Variants in TJP2 observed in about 807,000 individuals in gnomAD.
TJP2 encodes the protein Friedreich ataxia region gene X104 (tight junction protein ZO-2).
TJP2 carries 91 observed loss-of-function variants against 133.1 expected under a neutral mutation model. The ratio of observed to expected loss-of-function variants is 0.68; its 90% CI spans 0.58 to 0.81. The LOEUF (loss-of-function observed/expected upper bound fraction) is 0.81. Ranked by LOEUF, TJP2 falls within the 40% of genes least tolerant of loss-of-function variation. The probability of loss-of-function intolerance (pLI) is 0.00; values close to 1 mark genes in which losing one functional copy is unlikely to be tolerated. For synonymous variants in TJP2, 592 were observed against 583.4 expected (o/e 1.01, Z -0.21); for missense variants, 1,541 against 1,565.6 (o/e 0.98, Z 0.26).
Position 69,251,274 on chromosome 9 carries a change from A to T in TJP2, c.3231A>T (p.Ser1077=). 1 of 1,614,232 alleles carries T rather than the reference A, an allele frequency of 6.2e-7. No homozygotes were observed. Among genetic ancestry groups the T allele is most frequent in the African/African-American group, 1.3e-5 (1 of 75,062 alleles). ...SSEEQDNAPK[S]VLGKVKIFEK... ...AGGAGCAAGATAATGCTCCCAAATC[A>T]GTCCTGGGCAAAGTCAAAATATTTG... The change falls in exon 21 of 23, where the codon TCA becomes TCT. Residue 1077 remains serine (S), a synonymous_variant. Coordinates refer to ENST00000377245, the MANE Select transcript of TJP2 (RefSeq NM_004817.4).
At position 69,215,370 on chromosome 9, in the gene TJP2, C is replaced by T. The variant is rs77333006; in HGVS notation, c.115-969C>T. ...AGCACTGGGAAGAGCAGTCTTTTCC[C>T]GCCCAGCTAGAAAGTTGTGGTTTTT... On this transcript the variant is annotated intron_variant, in intron 2 of 22. Coordinates refer to ENST00000377245, the MANE Select transcript of TJP2 (RefSeq NM_004817.4). 8.0e-3 allele frequency among the ~76,000 whole-genome samples: 1,200 copies of T among 149,798 alleles called. 25 individuals are homozygous for T. Among genetic ancestry groups the T allele is most frequent in the African/African-American group, 0.028 (1,137 of 41,058 alleles).
chr9:69,203,674 C>T lies in TJP2; in HGVS notation c.61-8874C>T, dbSNP rs538387048. Among the ~76,000 whole-genome samples, 4 of 130,648 alleles carry T rather than the reference C, an allele frequency of 3.1e-5. No individual in the cohort carries two copies. In the South Asian group the frequency reaches 9.9e-4, roughly 32 times the overall value. The allele number at this position is 130,648 out of a possible 152,430, so 85.7% of individuals were successfully genotyped here. A position where few individuals can be genotyped will look rare whatever the true frequency, so the allele number is the denominator to read the frequency against. ...TATGGCCCAGGCTGGAATGCAGTGG[C>T]CCGATCTCAGGTCACTGCAACCTCC... On this transcript the variant is annotated intron_variant, in intron 1 of 22. Transcript: ENST00000377245.
At chr9:69,145,279 T>G (rs1013425056) in intron 1 of TJP2, among the ~76,000 whole-genome samples, 1 of 152,190 alleles carries the variant, frequency 6.6e-6, no homozygotes, top group African/African-American at 2.4e-5. Context: ...CAAATCTGTT[T>G]CTGATTTTAG....
chr9:69,228,180 CAA>C (rs773535315), intron 9 of TJP2, 66 bp downstream of exon 9: 13 of 1,550,122 alleles, frequency 8.4e-6, no homozygotes, highest in Admixed American at 5.9e-5. Context: ...ACAGCCATAA[CAA>C]AGAGTGAAAT....
chr9:69,190,692 G>A (rs919803748), intron 1 of TJP2, among the ~76,000 whole-genome samples: 6 of 152,206 alleles, frequency 3.9e-5, no homozygotes, highest in East Asian at 1.9e-4. Context: ...ACCAGCACCC[G>A]TGTGAGCCCC....
At chr9:69,225,934 G>A (rs1280482461) in intron 6 of TJP2, 88 bp from the exon 7 acceptor site, 2 of 1,411,862 alleles carry the variant, frequency 1.4e-6, no homozygotes, top group Non-Finnish European at 2.0e-6. Context: ...TCTGAGCAAA[G>A]CCTTTACATT....
Position 69,137,243 on chromosome 9 carries a change from C to CTT in TJP2, c.-130-14407_-130-14406insTT, listed in dbSNP as rs199595606. On this transcript the variant is annotated intron_variant, in intron 1 of 5. Transcript: ENST00000423935. ...TTTCTTTCCTTCTTTCTTTCTTTCTCTCTCTCTTTCTTTCTTTCTTTCTTT... is the reference window on the plus strand; with the variant it reads ...TTTCTTTCCTTCTTTCTTTCTTTCTCTTTCTCTCTTTCTTTCTTTCTTTCTTT... 5.9e-3 allele frequency among the ~76,000 whole-genome samples: 260 copies of CTT among 44,018 alleles called. 10 individuals are homozygous for CTT. The highest frequency in any genetic ancestry group is 0.025 in the South Asian group (26 of 1,052). The allele number at this position is 44,018 out of a possible 152,430, so 28.9% of individuals were successfully genotyped here. A position where few individuals can be genotyped will look rare whatever the true frequency, so the allele number is the denominator to read the frequency against.
chr9:69,205,001 C>T lies in TJP2; in HGVS notation c.61-7547C>T, dbSNP rs753739306. The T allele has an allele frequency of 4.4e-6, 6 of 1,363,366 alleles. No homozygotes were observed. In the Admixed American group the frequency reaches 1.6e-4, roughly 36 times the overall value. The allele number at this position is 1,363,366 out of a possible 1,614,324, so 84.5% of individuals were successfully genotyped here. A position where few individuals can be genotyped will look rare whatever the true frequency, so the allele number is the denominator to read the frequency against. ...AAGTAGTGCTTTTCAAAGCGTTTGG[C>T]ATCCCTGCCATATGGATGTGTCACT... On this transcript the variant is annotated intron_variant, in intron 1 of 22. Coordinates refer to ENST00000377245, the MANE Select transcript of TJP2 (RefSeq NM_004817.4).
intron 1 of TJP2, among the ~76,000 whole-genome samples, chr9:69,194,552 T>C (rs1436827510): frequency 6.6e-6 from 1 of 152,216 alleles, no homozygotes; most frequent in Non-Finnish European, 1.5e-5. Flanking sequence ...CATTCTTCAG[T>C]TGCAGTAGCC....
At position 69,199,079 on chromosome 9, in the gene TJP2, A is replaced by G. The variant is rs1195320632; in HGVS notation, c.61-13469A>G. Among the ~76,000 whole-genome samples the G allele has an allele frequency of 3.9e-5, 6 of 152,246 alleles. No homozygotes were observed. The East Asian group carries it at 9.6e-4, about 24-fold the overall frequency. ...CAGAATTTTGACTAAATTCTTCACA[A>G]TAGTTAAAACCAATTTCCTGGGGGC... On this transcript the variant is annotated intron_variant, in intron 1 of 22. Transcript: ENST00000377245.
intron 2 of TJP2, among the ~76,000 whole-genome samples, chr9:69,161,377 C>T (rs899125984): frequency 1.1e-4 from 17 of 152,244 alleles, no homozygotes; most frequent in African/African-American, 2.4e-4. Flanking sequence ...TACAGGCATG[C>T]GCCACCACAC....
In TJP2 at chr9:69,221,281, A is replaced by T; in HGVS notation, c.737A>T (p.Asp246Val). ...DRDRSRGRSIDQDYERAYHRA... is the reference protein window; with the variant it reads ...DRDRSRGRSIVQDYERAYHRA... ...GACCGCAGCCGCGGCCGGAGCATTG[A>T]CCAGGACTACGAGCGAGCCTATCAC... Residue 246 changes from aspartate (D) to valine (V), a missense_variant, in exon 5 of 23, where the codon GAC becomes GTC. Coordinates refer to ENST00000377245, the MANE Select transcript of TJP2 (RefSeq NM_004817.4). 6.2e-7 allele frequency: 1 copy of T among 1,608,052 alleles called. No individual in the cohort carries two copies. Among genetic ancestry groups the T allele is most frequent in the Non-Finnish European group, 8.5e-7 (1 of 1,177,656 alleles).
chr9:69,177,573 T>A (rs1331171978), intron 1 of TJP2, among the ~76,000 whole-genome samples: 2 of 151,638 alleles, frequency 1.3e-5, no homozygotes, highest in Non-Finnish European at 2.9e-5. Context: ...GTGATAGCAA[T>A]GGAAAAAAAA....
intron 3 of TJP2, among the ~76,000 whole-genome samples, chr9:69,217,447 G>A (rs1424448748): frequency 6.6e-6 from 1 of 152,162 alleles, no homozygotes; most frequent in Non-Finnish European, 1.5e-5. Context: ...AGTGGCTCAC[G>A]CCTATAATCC....
At chr9:69,174,560 CCAT>C (rs1824920344) in intron 1 of TJP2, 128 bp downstream of exon 1, 1 of 1,164,764 alleles carries the variant, frequency 8.6e-7, no homozygotes, top group African/African-American at 1.5e-5. Flanking sequence ...TGGGATTCTC[CCAT>C]CCGGACGTGG....
chr9:69,133,506 C>T (rs1336887002), intron 1 of TJP2, among the ~76,000 whole-genome samples: 8 of 149,252 alleles, frequency 5.4e-5, no homozygotes, highest in Non-Finnish European at 1.2e-4. Context: ...CACTGCTCCG[C>T]TTGCTGGTCT....
rs1410129763 is a variant in TJP2 at position 69,221,246 on chromosome 9, C to A, written c.702C>A (p.Asp234Glu). The change falls in exon 5 of 23, where the codon GAC (aspartate) becomes GAA (glutamate). Residue 234 changes from aspartate to glutamate, a missense_variant. Transcript: ENST00000377245. The part of the protein sequence containing the change: ...GLDHDFGPSR[D>E]RDRDRSRGRS... ...ACCACGACTTTGGGCCATCCCGGGA[C>A]CGGGACCGTGACCGCAGCCGCGGCC... 1 of 1,607,880 alleles carries A rather than the reference C, an allele frequency of 6.2e-7. No individual in the cohort carries two copies. Among genetic ancestry groups the A allele is most frequent in the Non-Finnish European group, 8.5e-7 (1 of 1,177,636 alleles).
intron 5 of TJP2, among the ~76,000 whole-genome samples, chr9:69,222,470 T>A (rs1484416150): frequency 1.3e-5 from 2 of 152,116 alleles, no homozygotes; most frequent in African/African-American, 4.8e-5. Flanking sequence ...CTGGCCGAGC[T>A]ATCTCTTAAT....
chr9:69,154,362 G>T (rs905235116), intron 2 of TJP2, among the ~76,000 whole-genome samples: 2 of 152,152 alleles, frequency 1.3e-5, no homozygotes, highest in East Asian at 3.9e-4. Flanking sequence ...CTGCCAAACC[G>T]CTCTGGACCT....
Sources: gnomAD v4.1 joint callset for allele counts (sites outside exome capture counted in the v4.1 genomes callset) on GRCh38, gnomAD v4.1.1 for gene constraint, MANE v1.5 for transcripts, NCBI Gene and HGNC (gene_info 2026-07-23, HGNC 2026-07-21) for gene names.